Variants in RASGRP4 observed in about 807,000 individuals in gnomAD.
The protein encoded by RASGRP4 is RAS guanyl-releasing protein 4.
In RASGRP4, 52 loss-of-function variants were observed where a neutral mutation model predicts 84.4. The ratio of observed to expected loss-of-function variants is 0.62; its 90% CI spans 0.49 to 0.78. The LOEUF (loss-of-function observed/expected upper bound fraction) is 0.78, where lower values mean the gene tolerates loss of function less well. Among genes scored for constraint, RASGRP4 ranks in the 30% least tolerant of loss-of-function variants. The pLI is 0.00. For synonymous variants in RASGRP4, 356 were observed against 359.1 expected (o/e 0.99, Z 0.10); for missense variants, 760 against 886.9 (o/e 0.86, Z 1.82).
At position 38,418,750 on chromosome 19, in the gene RASGRP4, G is replaced by A. The variant is rs1971613779; in HGVS notation, c.664-186C>T. ...TCACCATGCTCCTCTCCCATCTGAG[G>A]AGGCATGTTTCAATATAGCCAGGCA... On this transcript the variant is annotated intron_variant, in intron 6 of 16. Coordinates refer to ENST00000615439, the MANE Select transcript of RASGRP4 (RefSeq NM_170604.3). The surrounding 1 kb of genome is among the most constrained non-coding windows in gnomAD (Gnocchi z 4.6). Among the ~76,000 whole-genome samples the A allele has an allele frequency of 6.6e-6, 1 of 152,194 alleles. No individual in the cohort carries two copies. The highest frequency in any genetic ancestry group is 2.1e-4 in the South Asian group (1 of 4,838).
rs1271519848 is a variant in RASGRP4 at position 38,419,999 on chromosome 19, C to T, written c.524G>A (p.Gly175Asp). The T allele has an allele frequency of 6.2e-7, 1 of 1,613,820 alleles. No individual in the cohort carries two copies. The highest frequency in any genetic ancestry group is 1.1e-5 in the South Asian group (1 of 91,086). ...GDSSDLLSPG[G>D]PGPPLPMSSP... The stretch of plus-strand genomic sequence containing the variant: ...GCTCATTGGGAGTGGGGGGCCAGGG[C>T]CACCAGGGCTCAGGCTGGGGGCCAA... Residue 175 changes from glycine (G) to aspartate (D), a missense_variant, in exon 6 of 17, where the codon GGC (glycine) becomes GAC (aspartate). Gly to Asp is a moderately conservative substitution (Grantham distance 94, BLOSUM62 -1). Transcript: ENST00000615439.
rs546071343 is a variant in RASGRP4, at chr19:38,426,099, G to T, written c.-8C>A. 5 of 1,331,296 alleles carry T rather than the reference G, an allele frequency of 3.8e-6. No homozygotes were observed. The highest frequency in any genetic ancestry group is 1.5e-5 in the African/African-American group (1 of 66,364). 82.5% of individuals were successfully genotyped at this position (1,331,296 alleles called of 1,614,324 possible). The stretch of plus-strand genomic sequence containing the variant: ...ACTGTCTTTTCTGTTCATGCTTCCC[G>T]CGTGGGGTGAGGAGGCCGGGGGTCT... On this transcript the variant is annotated 5_prime_UTR_variant, in exon 1 of 17. Coordinates refer to ENST00000615439, the MANE Select transcript of RASGRP4 (RefSeq NM_170604.3).
Position 38,412,895 on chromosome 19 carries a change from T to A in RASGRP4, c.1535+36A>T. On this transcript the variant is annotated intron_variant, in intron 12 of 16. Coordinates refer to ENST00000615439, the MANE Select transcript of RASGRP4 (RefSeq NM_170604.3). This position sits in a 1 kb window ranked among gnomAD's most constrained non-coding sequence, Gnocchi z 4.6. Reference sequence around the variant, plus strand: ...AGGAGTCCAGGCAACCCCAGTGTCCTCATCTTCGGAGGATCCAGGAGTCAC... The same window carrying A: ...AGGAGTCCAGGCAACCCCAGTGTCCACATCTTCGGAGGATCCAGGAGTCAC... 1 of 1,613,538 alleles carries A rather than the reference T, an allele frequency of 6.2e-7. No homozygotes were observed.
intron 6 of RASGRP4, among the ~76,000 whole-genome samples, chr19:38,419,397 G>A (rs1213721753): frequency 3.9e-5 from 6 of 152,126 alleles, no homozygotes; most frequent in African/African-American, 9.7e-5. Context: ...AGTGCCAGTC[G>A]CTGCAATAAG....
At chr19:38,415,770 G>A (rs189334296) in intron 8 of RASGRP4, among the ~76,000 whole-genome samples, 136 of 151,950 alleles carry the variant, frequency 9.0e-4, no homozygotes, top group African/African-American at 3.1e-3. Context: ...AAACTCCTGA[G>A]CTTGATGGCT....
At position 38,412,064 on chromosome 19, in the gene RASGRP4, G is replaced by A. The variant is rs568046049; in HGVS notation, c.1680+608C>T. Among the ~76,000 whole-genome samples, 5 of 151,914 alleles carry A rather than the reference G, an allele frequency of 3.3e-5. No homozygotes were observed. The highest frequency in any genetic ancestry group is 4.8e-5 in the African/African-American group (2 of 41,410). On this transcript the variant is annotated intron_variant, in intron 13 of 16. Coordinates refer to ENST00000615439, the MANE Select transcript of RASGRP4 (RefSeq NM_170604.3). This position sits in a 1 kb window ranked among gnomAD's most constrained non-coding sequence, Gnocchi z 4.6. The stretch of plus-strand genomic sequence containing the variant: ...GATTCTGTTTGAACATAATCTACCC[G>A]GTTTGGAGATTATCCAGGTTTGTTG...
chr19:38,416,959 C>T (rs754139986), intron 8 of RASGRP4, 93 bp downstream of exon 8: 31 of 758,664 alleles, frequency 4.1e-5, no homozygotes, highest in Non-Finnish European at 7.0e-5. Context: ...GTACCAGGAC[C>T]CCTGGGCAGG....
chr19:38,411,311 A>G (rs772695217), intron 14 of RASGRP4, 34 bp downstream of exon 14: 50 of 1,610,376 alleles, frequency 3.1e-5, no homozygotes, highest in Non-Finnish European at 3.6e-5. Flanking sequence ...CTGCGGGCCA[A>G]GGCTTCCCTC....
Position 38,412,384 on chromosome 19 carries a change from A to C in RASGRP4, c.1680+288T>G. 2.6e-6 allele frequency: 1 copy of C among 380,824 alleles called. No homozygotes were observed. Among genetic ancestry groups the C allele is most frequent in the South Asian group, 3.1e-5 (1 of 32,352 alleles). 23.6% of individuals were successfully genotyped at this position (380,824 alleles called of 1,614,324 possible). On this transcript the variant is annotated intron_variant, in intron 13 of 16. Transcript: ENST00000615439. This position sits in a 1 kb window ranked among gnomAD's most constrained non-coding sequence, Gnocchi z 4.6. Reference sequence around the variant, plus strand: ...CAATCCGCCCACCTCAGCCTCCCCAAGTGCTGGGATTACAGGCGTGAGCCA... The same window carrying C: ...CAATCCGCCCACCTCAGCCTCCCCACGTGCTGGGATTACAGGCGTGAGCCA...
At position 38,417,848 on chromosome 19, in the gene RASGRP4, C is replaced by A. The variant is rs1030565328; in HGVS notation, c.837+543G>T. Among the ~76,000 whole-genome samples the A allele has an allele frequency of 2.0e-5, 3 of 152,064 alleles. No individual in the cohort carries two copies. Among genetic ancestry groups the A allele is most frequent in the African/African-American group, 7.2e-5 (3 of 41,406 alleles). On this transcript the variant is annotated intron_variant, in intron 7 of 16. Transcript: ENST00000615439. This position sits in a 1 kb window ranked among gnomAD's most constrained non-coding sequence, Gnocchi z 5.1. ...GCCAGGGAAGACACCAGAGGAAGGG[C>A]GTGGTCTGCGTGGAAATACGCAAGG...
rs1971608588 is a variant in RASGRP4, at chr19:38,418,594, C to T, written c.664-30G>A. 4 of 1,482,378 alleles carry T rather than the reference C, an allele frequency of 2.7e-6. No individual in the cohort carries two copies. Among genetic ancestry groups the T allele is most frequent in the Non-Finnish European group, 3.6e-6 (4 of 1,114,420 alleles). The allele number at this position is 1,482,378 out of a possible 1,614,324, so 91.8% of individuals were successfully genotyped here. ...GAGCGAGGTGGGTGTCAAGGTGGGC[C>T]GTGGCGCTCAGGCCCTGCCCTTCCA... On this transcript the variant is annotated intron_variant, in intron 6 of 16. Transcript: ENST00000615439. This position sits in a 1 kb window ranked among gnomAD's most constrained non-coding sequence, Gnocchi z 4.6.
rs200790875 is a variant in RASGRP4 at position 38,410,887 on chromosome 19, G to A, written c.1964C>T (p.Thr655Met). 6.4e-5 allele frequency: 102 copies of A among 1,588,874 alleles called. No homozygotes were observed. The highest frequency in any genetic ancestry group is 5.7e-4 in the East Asian group (25 of 43,870). ...ESPHPSWETD[T>M]VPCPVMDPPS... ...GGGGTAGGGGCGGTTTCTCCTCACC[G>A]TATCTGTTTCCCAGGAAGGGTGTGG... Residue 655 changes from threonine to methionine, a missense_variant and splice_region_variant, in exon 16 of 17, where the codon ACG (threonine) becomes ATG (methionine). Physicochemically the swap from Thr to Met is moderately conservative, Grantham distance 81. Transcript: ENST00000615439.
chr19:38,415,742 A>G (rs565445323), intron 8 of RASGRP4, among the ~76,000 whole-genome samples: 1 of 151,980 alleles, frequency 6.6e-6, no homozygotes. Flanking sequence ...TGTCATGATC[A>G]CAGCTCATTG....
chr19:38,422,000 A>C lies in RASGRP4; in HGVS notation c.177T>G (p.Asp59Glu). 1 of 1,612,938 alleles carries C rather than the reference A, an allele frequency of 6.2e-7. No individual in the cohort carries two copies. The highest frequency in any genetic ancestry group is 8.5e-7 in the Non-Finnish European group (1 of 1,179,510). Residue 59 changes from aspartate to glutamate, a missense_variant, in exon 2 of 17, where the codon GAT (aspartate) becomes GAG (glutamate). Transcript: ENST00000615439. The part of the protein sequence containing the change: ...GLLSEGGCSE[D>E]ELLEKCIQSF... ...ACTGGATGCATTTCTCCAGCAGCTC[A>C]TCTTCGCTGCAGCCGCCCTCACTCA...
intron 2 of RASGRP4, 100 bp from the exon 3 acceptor site, chr19:38,421,300 T>G: frequency 4.8e-6 from 4 of 827,004 alleles, no homozygotes; most frequent in Non-Finnish European, 6.0e-6. Context: ...AGACCAGCTC[T>G]AACGGTGATC....
intron 1 of RASGRP4, among the ~76,000 whole-genome samples, 192 bp from the exon 2 acceptor site, chr19:38,422,345 G>A (rs960425732): frequency 2.6e-5 from 4 of 152,150 alleles, no homozygotes; most frequent in Non-Finnish European, 5.9e-5. Flanking sequence ...GGGAATCATG[G>A]GAGCCCTCTC....
rs1186341606 is a variant in RASGRP4 at position 38,412,766 on chromosome 19, C to T, written c.1586G>A (p.Ser529Asn). The T allele has an allele frequency of 1.2e-6, 2 of 1,609,062 alleles. No individual in the cohort carries two copies. Among genetic ancestry groups the T allele is most frequent in the South Asian group, 2.2e-5 (2 of 90,422 alleles). ...EELTGYLLRA[S>N]AICSKLGLAF... ...CAGGCCCAACTTGGAGCAGATGGCG[C>T]TGGCCCGGAGCAGGTACCCTGTCAG... is the stretch of plus-strand genomic sequence containing the variant. Residue 529 changes from serine to asparagine, a missense_variant, in exon 13 of 17, where the codon AGC becomes AAC. By Grantham distance (46) the Ser-to-Asn change is conservative (BLOSUM62 1). Transcript: ENST00000615439. The surrounding 1 kb of genome is among the most constrained non-coding windows in gnomAD (Gnocchi z 4.6).
rs12974979 is a variant in RASGRP4 at position 38,421,075 on chromosome 19, C to T, written c.314+20G>A. On this transcript the variant is annotated intron_variant, in intron 3 of 16. Transcript: ENST00000615439. ...TCTGCCCTCTGCCCTCCACCCATAGCTCACAGTCCTGGAGGATATGAGGTC... is the reference window on the plus strand; with the variant it reads ...TCTGCCCTCTGCCCTCCACCCATAGTTCACAGTCCTGGAGGATATGAGGTC... The T allele has an allele frequency of 1.2e-6, 2 of 1,611,068 alleles. No individual in the cohort carries two copies. Among genetic ancestry groups the T allele is most frequent in the Non-Finnish European group, 1.7e-6 (2 of 1,177,298 alleles).
chr19:38,413,519 GC>G lies in RASGRP4; in HGVS notation c.1231-46del. 6.7e-7 allele frequency: 1 copy of G among 1,500,548 alleles called. No homozygotes were observed. The allele number at this position is 1,500,548 out of a possible 1,614,324, so 93.0% of individuals were successfully genotyped here. On this transcript the variant is annotated intron_variant, in intron 9 of 16. Transcript: ENST00000615439. The surrounding 1 kb of genome is among the most constrained non-coding windows in gnomAD (Gnocchi z 4.7). ...TACGGATCCTCCCATCTATAGCCCT[GC>G]CCCAGACCCCCACACCCACTCGCAG...
Sources: allele counts gnomAD v4.1 joint callset (sites outside exome capture counted in the v4.1 genomes callset), GRCh38; gene constraint gnomAD v4.1.1; non-coding constraint Gnocchi (gnomAD v3.1); transcripts MANE v1.5; gene names NCBI Gene and HGNC (gene_info 2026-07-23, HGNC 2026-07-21).